URB1: variants seen among roughly 807,000 people sequenced by gnomAD.
URB1 encodes URB1 ribosome biogenesis factor, also known as nucleolar pre-ribosomal-associated protein 1.
URB1 carries 197 observed loss-of-function variants against 242.3 expected under a neutral mutation model. The observed-to-expected ratio is 0.81, with a 90% CI of 0.72 to 0.91. URB1 has a LOEUF of 0.91. Among genes scored for constraint, URB1 ranks in the 40% least tolerant of loss-of-function variants. The probability of loss-of-function intolerance (pLI) is 0.00; values close to 1 mark genes in which losing one functional copy is unlikely to be tolerated. For missense variants in URB1, 2,721 were observed against 2,860.5 expected (o/e 0.95, Z 1.11); for synonymous variants, 1,153 against 1,201.8 (o/e 0.96, Z 0.84).
chr21:32,347,602 C>T lies in URB1; in HGVS notation c.3222G>A (p.Arg1074=). Residue 1074 remains arginine (R), a synonymous_variant, in exon 22 of 39, where the codon AGG becomes AGA. Coordinates refer to ENST00000382751, the MANE Select transcript of URB1 (RefSeq NM_014825.3). ...QNIGQLGLLA[R]YSEAITQSVL... is the part of the protein sequence containing the mutation. ...CACTCTGGGTGATGGCCTCTGAGTA[C>T]CTGGCCAGAAGGCCCAGCTGCCCAA... The T allele has an allele frequency of 6.4e-7, 1 of 1,551,544 alleles. No homozygotes were observed. The highest frequency in any genetic ancestry group is 2.0e-5 in the Admixed American group (1 of 50,994).
In URB1 at chr21:32,338,723, CG is replaced by C; in HGVS notation, c.4493del (p.Pro1498ArgfsTer5). 5 of 1,551,342 alleles carry C rather than the reference CG, an allele frequency of 3.2e-6. No individual in the cohort carries two copies. Among genetic ancestry groups the C allele is most frequent in the Non-Finnish European group, 4.4e-6 (5 of 1,146,942 alleles). ...AGGGGTCACCTTTTACTTGGCTGTC[CG>C]GGCTCTCCTCTCCGTCAGACGTCAG... is the stretch of plus-strand genomic sequence containing the variant. ...TLLTSDGEES[P>X]DSQVKEALVD... On this transcript the variant is annotated frameshift_variant, in exon 26 of 39. Transcript: ENST00000382751. LOFTEE classifies it high-confidence loss of function.
At chr21:32,348,373 C>T (rs1487897010) in intron 21 of URB1, among the ~76,000 whole-genome samples, 1 of 152,176 alleles carries the variant, frequency 6.6e-6, no homozygotes, top group Non-Finnish European at 1.5e-5. Context: ...GTCTACGATC[C>T]TGAATTGAAA....
At chr21:32,386,363 G>T (rs1267721518) in intron 1 of URB1, among the ~76,000 whole-genome samples, 1 of 152,106 alleles carries the variant, frequency 6.6e-6, no homozygotes, top group Non-Finnish European at 1.5e-5. Context: ...ACAGCAAGAG[G>T]GCAGTTGTCT....
At chr21:32,364,778 A>G (rs963077412) in intron 10 of URB1, among the ~76,000 whole-genome samples, 1 of 134,388 alleles carries the variant, frequency 7.4e-6, no homozygotes, top group Non-Finnish European at 1.7e-5. Flanking sequence ...TTTAGACAAA[A>G]CCATAAGAAA....
chr21:32,316,078 T>TGCAC (rs1568805569), intron 38 of URB1, among the ~76,000 whole-genome samples: 3 of 152,218 alleles, frequency 2.0e-5, no homozygotes, highest in Admixed American at 6.5e-5. Context: ...CACATGCACA[T>TGCAC]GCGCACACAT....
At chr21:32,336,555 G>A (rs1227167435) in intron 28 of URB1, among the ~76,000 whole-genome samples, 1 of 152,154 alleles carries the variant, frequency 6.6e-6, no homozygotes, top group Non-Finnish European at 1.5e-5. Flanking sequence ...CACAGGGAAA[G>A]GTGTCACACT....
At chr21:32,355,023 A>G (rs1214445333) in intron 16 of URB1, 26 bp from the exon 17 acceptor site, 1 of 1,536,966 alleles carries the variant, frequency 6.5e-7, no homozygotes, top group Admixed American at 2.0e-5. Context: ...CCAAATAGAA[A>G]GCATTCAGAT....
rs1460647095 is a variant in URB1, at chr21:32,361,916, C to T, written c.1615G>A (p.Ala539Thr). 3.2e-6 allele frequency: 5 copies of T among 1,551,268 alleles called. No individual in the cohort carries two copies. In the South Asian group the frequency reaches 4.8e-5, roughly 15 times the overall value. The change falls in exon 12 of 39, where the codon GCT becomes ACT. Residue 539 changes from alanine to threonine, a missense_variant. Transcript: ENST00000382751. ...KGQKRSDGPP[A>T]ACDAHQCDDA... ...CCGCACTGGTGAGCATCGCAGGCAG[C>T]CGGGGGCCCATCGCTCCTTTTCTGC... is the stretch of plus-strand genomic sequence containing the variant.
chr21:32,327,365 T>C (rs751936517), intron 30 of URB1, among the ~76,000 whole-genome samples: 4 of 152,166 alleles, frequency 2.6e-5, no homozygotes, highest in African/African-American at 9.6e-5. Flanking sequence ...CAACCTTGAA[T>C]TTTATACCCC....
chr21:32,320,405 C>T, intron 35 of URB1, 126 bp downstream of exon 35: 2 of 725,012 alleles, frequency 2.8e-6, no homozygotes, highest in Admixed American at 2.7e-5. Context: ...TTGGAGGACA[C>T]TGCATTTCAG....
chr21:32,371,342 A>G (rs1239474564), intron 8 of URB1, among the ~76,000 whole-genome samples: 2 of 152,228 alleles, frequency 1.3e-5, no homozygotes, highest in African/African-American at 4.8e-5. Context: ...TTGATTCAAT[A>G]TGCTCATTAA....
chr21:32,379,689 A>T (rs2033500627), intron 4 of URB1, among the ~76,000 whole-genome samples: 2 of 152,130 alleles, frequency 1.3e-5, no homozygotes, highest in African/African-American at 2.4e-5. Flanking sequence ...AGATGAGAAA[A>T]CTGAGGGTTC....
intron 36 of URB1, among the ~76,000 whole-genome samples, chr21:32,318,300 G>A (rs1454472750): frequency 6.6e-6 from 1 of 152,178 alleles, no homozygotes; most frequent in African/African-American, 2.4e-5. Flanking sequence ...AACCCAGGGA[G>A]GCCCTGGGAC....
At chr21:32,337,705 CT>C (rs376827889) in intron 26 of URB1, among the ~76,000 whole-genome samples, 191 bp from the exon 27 acceptor site, 110 of 146,638 alleles carry the variant, frequency 7.5e-4, no homozygotes, top group African/African-American at 1.3e-3. Context: ...TTCTTTTTTT[CT>C]TTTTTTTTTT....
intron 11 of URB1, 40 bp from the exon 12 acceptor site, chr21:32,362,061 C>T (rs2033295526): frequency 6.5e-7 from 1 of 1,546,400 alleles, no homozygotes; most frequent in South Asian, 1.2e-5. Context: ...TTGTAGTCAA[C>T]CACAAAGGGA....
rs2033028810 is a variant in URB1 at position 32,341,492 on chromosome 21, C to T, written c.4290G>A (p.Trp1430Ter). 4 of 1,551,520 alleles carry T rather than the reference C, an allele frequency of 2.6e-6. No individual in the cohort carries two copies. Among genetic ancestry groups the T allele is most frequent in the Non-Finnish European group, 3.5e-6 (4 of 1,146,976 alleles). ...TGAGTCCCTTCTTCACGAATTTCTG[C>T]CAGTCACCAGGATCAACTTCATTAA... ...HALNEVDPGD[W>*]QKFVKKGLKF... Residue 1430 changes from tryptophan to a stop codon, truncating the protein, a stop_gained, in exon 25 of 39, where the codon TGG (tryptophan) becomes TGA (stop). Coordinates refer to ENST00000382751, the MANE Select transcript of URB1 (RefSeq NM_014825.3). LOFTEE classifies it high-confidence loss of function.
chr21:32,384,044 G>A (rs141921913), intron 3 of URB1, among the ~76,000 whole-genome samples: 69 of 152,332 alleles, frequency 4.5e-4, no homozygotes, highest in African/African-American at 1.5e-3. Context: ...TGCACCTATA[G>A]GATTCCAGTA....
rs1436160342 is a variant in URB1, at chr21:32,344,705, C to T, written c.4122G>A (p.Glu1374=). ...AAAGGGTCCTTCTCCAGGCACACAG[C>T]TCTTCTGCTGACCCTTCCAGAGCTG... ...ISAALEGSAE[E]LCAWRRTLLE... Residue 1374 remains glutamate (E), a synonymous_variant, in exon 24 of 39, where the codon GAG becomes GAA. Transcript: ENST00000382751. The T allele has an allele frequency of 6.4e-7, 1 of 1,552,102 alleles. No homozygotes were observed. Among genetic ancestry groups the T allele is most frequent in the East Asian group, 2.4e-5 (1 of 40,936 alleles).
chr21:32,331,790 A>G (rs2032895637), intron 30 of URB1, among the ~76,000 whole-genome samples: 1 of 152,194 alleles, frequency 6.6e-6, no homozygotes, highest in Non-Finnish European at 1.5e-5. Context: ...CTAGACTCCC[A>G]CCCCTGCCAG....
Sources: gnomAD v4.1 joint callset for allele counts (sites outside exome capture counted in the v4.1 genomes callset) on GRCh38, gnomAD v4.1.1 for gene constraint, MANE v1.5 for transcripts, NCBI Gene and HGNC (gene_info 2026-07-23, HGNC 2026-07-21) for gene names.